ZRSR2: variants seen among roughly 807,000 people sequenced by gnomAD.
The protein encoded by ZRSR2 is U2 small nuclear ribonucleoprotein auxiliary factor 35 kDa subunit-related protein 2.
Under a neutral mutation model 39.4 loss-of-function variants are expected in ZRSR2, and 3 were observed. That is an observed-to-expected ratio of 0.08 (90% CI 0.03 to 0.20). ZRSR2 has a LOEUF of 0.20. Ranked by LOEUF, ZRSR2 falls within the 10% of genes least tolerant of loss-of-function variation. ZRSR2 has a pLI of 1.00. For missense variants in ZRSR2, 256 were observed against 391.5 expected (o/e 0.65, Z 2.92); for synonymous variants, 137 against 136.0 (o/e 1.01, Z -0.05).
intron 10 of ZRSR2, among the ~76,000 whole-genome samples, chrX:15,820,740 T>C (rs1443141504): frequency 8.9e-6 from 1 of 112,447 alleles, no homozygotes; most frequent in Non-Finnish European, 1.9e-5. Context: ...CTAATGAATC[T>C]TCTGTCATGA....
At chrX:15,810,377 A>C (rs1932860777) in intron 7 of ZRSR2, among the ~76,000 whole-genome samples, 1 of 111,820 alleles carries the variant, frequency 8.9e-6, no homozygotes, top group Non-Finnish European at 1.9e-5. Flanking sequence ...AAAATCTGAT[A>C]ATTATCACCA....
At position 15,804,209 on chromosome X, in the gene ZRSR2, C is replaced by A; in HGVS notation, c.399+12C>A. Reference sequence around the variant, plus strand: ...AGAAAGAAAAAGAGGTGATTCCTGTCATGGGATGTGCTGTGTGATGAGTTT... The same window carrying A: ...AGAAAGAAAAAGAGGTGATTCCTGTAATGGGATGTGCTGTGTGATGAGTTT... On this transcript the variant is annotated intron_variant, in intron 5 of 10. Transcript: ENST00000307771. The A allele has an allele frequency of 8.5e-7, 1 of 1,181,383 alleles. No individual in the cohort carries two copies. The highest frequency in any genetic ancestry group is 2.0e-5 in the South Asian group (1 of 50,836).
At chrX:15,796,249 G>C (rs1272857570) in intron 2 of ZRSR2, among the ~76,000 whole-genome samples, 1 of 111,908 alleles carries the variant, frequency 8.9e-6, no homozygotes, top group Non-Finnish European at 1.9e-5. Context: ...GTCGCACTTT[G>C]TGTGAGTCTC....
rs772577251 is a variant in ZRSR2, at chrX:15,791,995, G to T, written c.121+982G>T. On this transcript the variant is annotated intron_variant, in intron 2 of 10. Transcript: ENST00000307771. The stretch of plus-strand genomic sequence containing the variant: ...TAATTTTTAAAATTTTCGTAGAGAC[G>T]GGATTTCACTGTGTTGCCTGGGCTG... Among the ~76,000 whole-genome samples, 3 of 112,017 alleles carry T rather than the reference G, an allele frequency of 2.7e-5. No individual in the cohort carries two copies. In the South Asian group the frequency reaches 1.1e-3, roughly 41 times the overall value.
chrX:15,792,146 C>T (rs765157171), intron 2 of ZRSR2, among the ~76,000 whole-genome samples: 97 of 111,420 alleles, frequency 8.7e-4, no homozygotes, highest in African/African-American at 3.0e-3. Flanking sequence ...ATGGGCTGGG[C>T]GCGTGGTGGC....
Position 15,818,610 on chromosome X carries a change from C to T in ZRSR2, c.795C>T (p.His265=). 1 of 1,207,811 alleles carries T rather than the reference C, an allele frequency of 8.3e-7. No homozygotes were observed. Among genetic ancestry groups the T allele is most frequent in the Non-Finnish European group, 1.1e-6 (1 of 893,154 alleles). The change falls in exon 9 of 11, where the codon CAC becomes CAT. Residue 265 remains histidine, a synonymous_variant. Coordinates refer to ENST00000307771, the MANE Select transcript of ZRSR2 (RefSeq NM_005089.4). ...QFKVSCNLEP[H]LRGNVYVQYQ... is the part of the protein sequence containing the mutation. ...AGGTCAGCTGCAATTTGGAACCTCACCTGAGGGGCAATGTATATGTTCAGT... is the reference window on the plus strand; with the variant it reads ...AGGTCAGCTGCAATTTGGAACCTCATCTGAGGGGCAATGTATATGTTCAGT...
intron 8 of ZRSR2, among the ~76,000 whole-genome samples, chrX:15,817,020 G>A (rs1187116835): frequency 8.9e-6 from 1 of 111,751 alleles, no homozygotes; most frequent in Non-Finnish European, 1.9e-5. Context: ...AGGCCATGTG[G>A]TTTGACTAGC....
chrX:15,817,012 G>T (rs901743623), intron 8 of ZRSR2, among the ~76,000 whole-genome samples: 5 of 111,732 alleles, frequency 4.5e-5, no homozygotes, highest in African/African-American at 1.6e-4. Flanking sequence ...GGCCGAGGAG[G>T]CCATGTGGTT....
chrX:15,819,342 AG>A (rs1303964686), intron 9 of ZRSR2, among the ~76,000 whole-genome samples: 1 of 109,641 alleles, frequency 9.1e-6, no homozygotes, highest in Non-Finnish European at 1.9e-5. Flanking sequence ...GCGTGGTGGC[AG>A]GCACCTGTAA....
In ZRSR2 at chrX:15,804,365, T is replaced by C. The variant is rs758369391; in HGVS notation, c.399+168T>C. ...CCAGAGTTCCCTTCTGATGCTCTTC[T>C]TCGGGTCCGTGCAGTGGCAGATTCC... On this transcript the variant is annotated intron_variant, in intron 5 of 10. Coordinates refer to ENST00000307771, the MANE Select transcript of ZRSR2 (RefSeq NM_005089.4). 115 of 471,889 alleles carry C rather than the reference T, an allele frequency of 2.4e-4. No homozygotes were observed. The African/African-American group carries it at 2.9e-3, about 12-fold the overall frequency. 38.9% of individuals were successfully genotyped at this position (471,889 alleles called of 1,213,427 possible).
chrX:15,806,316 G>A (rs2147283723), intron 5 of ZRSR2, among the ~76,000 whole-genome samples: 1 of 111,022 alleles, frequency 9.0e-6, no homozygotes, highest in East Asian at 2.8e-4. Flanking sequence ...TCCTGGATTT[G>A]AAGGAGGAGT....
chrX:15,801,736 G>A (rs947829515), intron 3 of ZRSR2: 11 of 111,565 alleles, frequency 9.9e-5, no homozygotes, highest in African/African-American at 2.9e-4. Context: ...CAATAGATAC[G>A]GTATGAAATA....
intron 2 of ZRSR2, among the ~76,000 whole-genome samples, chrX:15,796,746 A>AGAATG (rs1289874799): frequency 9.8e-6 from 1 of 102,282 alleles, no homozygotes; most frequent in Non-Finnish European, 2.0e-5. Flanking sequence ...TCTCTGTCTT[A>AGAATG]GAATGGAATG....
At chrX:15,794,843 G>A (rs1185284295) in intron 2 of ZRSR2, among the ~76,000 whole-genome samples, 1 of 112,221 alleles carries the variant, frequency 8.9e-6, no homozygotes, top group Non-Finnish European at 1.9e-5. Context: ...TTAGTTTTCA[G>A]TATAGAAGGG....
intron 8 of ZRSR2, 147 bp from the exon 9 acceptor site, chrX:15,818,440 T>G: frequency 2.0e-6 from 1 of 501,589 alleles, no homozygotes; most frequent in Non-Finnish European, 3.3e-6. Flanking sequence ...ACGCCTTAAA[T>G]AGATGCAAGA....
rs192135823 is a variant in ZRSR2 at position 15,796,420 on chromosome X, C to T, written c.122-3452C>T. Among the ~76,000 whole-genome samples, 32 of 112,239 alleles carry T rather than the reference C, an allele frequency of 2.9e-4. 1 individual carries two copies. The East Asian group carries it at 3.3e-3, about 12-fold the overall frequency. Reference sequence around the variant, plus strand: ...TAAGTGAATACTCATAGTATTTGAGCTCACTGCAATAGCAGCAGGAGGTGG... The same window carrying T: ...TAAGTGAATACTCATAGTATTTGAGTTCACTGCAATAGCAGCAGGAGGTGG... On this transcript the variant is annotated intron_variant, in intron 2 of 10. Coordinates refer to ENST00000307771, the MANE Select transcript of ZRSR2 (RefSeq NM_005089.4).
chrX:15,808,499 A>G (rs1201189957), intron 6 of ZRSR2, among the ~76,000 whole-genome samples: 1 of 111,664 alleles, frequency 9.0e-6, no homozygotes, highest in Non-Finnish European at 1.9e-5. Context: ...TCCTTACAGT[A>G]TGTTTAAGCA....
chrX:15,816,204 A>T (rs939425657), intron 8 of ZRSR2, among the ~76,000 whole-genome samples: 1 of 112,097 alleles, frequency 8.9e-6, no homozygotes, highest in Non-Finnish European at 1.9e-5. Context: ...GGTCCCCTGC[A>T]TATAGCCATC....
chrX:15,799,214 G>T (rs1418098619), intron 2 of ZRSR2, among the ~76,000 whole-genome samples: 1 of 107,217 alleles, frequency 9.3e-6, no homozygotes. Flanking sequence ...TGTCCAGATC[G>T]CTCCATTGGA....
Sources: gnomAD v4.1 joint callset for allele counts (sites outside exome capture counted in the v4.1 genomes callset) on GRCh38, gnomAD v4.1.1 for gene constraint, MANE v1.5 for transcripts, NCBI Gene and HGNC (gene_info 2026-07-23, HGNC 2026-07-21) for gene names.